Variants in GRIA2 observed in about 807,000 individuals in gnomAD.
GRIA2 encodes glutamate receptor 2.
In GRIA2, 14 loss-of-function variants were observed where a neutral mutation model predicts 97.3. That is an observed-to-expected ratio of 0.14 (90% CI 0.10 to 0.23). The LOEUF (loss-of-function observed/expected upper bound fraction) is 0.23. Among genes scored for constraint, GRIA2 ranks in the 10% least tolerant of loss-of-function variants. The probability of loss-of-function intolerance (pLI) is 1.00; values close to 1 mark genes in which losing one functional copy is unlikely to be tolerated. For synonymous variants in GRIA2, 412 were observed against 387.8 expected, an observed-to-expected ratio of 1.06 and a Z score of -0.73; for missense variants, 558 against 1,069.8, an observed-to-expected ratio of 0.52 and a Z score of 6.67.
At chr4:157,329,919 G>C (rs1264885815) in intron 6 of GRIA2, among the ~76,000 whole-genome samples, 7 of 152,032 alleles carry the variant, frequency 4.6e-5, no homozygotes, top group South Asian at 2.1e-4. Context: ...GAATCACAGA[G>C]ATCTGGATTC....
chr4:157,220,476 G>A (rs1004121342), upstream of GRIA2: 3 of 152,042 alleles, frequency 2.0e-5, no homozygotes, highest in African/African-American at 4.8e-5. Context: ...CAGCGGCTAC[G>A]GGCCCCGAGC....
chr4:157,239,005 G>A (rs1006195184), intron 2 of GRIA2, among the ~76,000 whole-genome samples: 4 of 151,732 alleles, frequency 2.6e-5, no homozygotes, highest in East Asian at 3.9e-4. Context: ...TTGTCATTGC[G>A]GTACTTTTTC....
chr4:157,225,521 A>G (rs1194564189), intron 2 of GRIA2, among the ~76,000 whole-genome samples: 3 of 152,014 alleles, frequency 2.0e-5, no homozygotes, highest in Non-Finnish European at 2.9e-5. Context: ...AACAGTTGAA[A>G]CCAGGGATGG....
At chr4:157,357,474 T>C (rs961742779) in intron 12 of GRIA2, among the ~76,000 whole-genome samples, 1 of 152,126 alleles carries the variant, frequency 6.6e-6, no homozygotes, top group African/African-American at 2.4e-5. Flanking sequence ...CTTACAGAAA[T>C]TCTGACTTAT....
chr4:157,226,828 T>C (rs1056967507), intron 2 of GRIA2, among the ~76,000 whole-genome samples: 31 of 152,262 alleles, frequency 2.0e-4, no homozygotes, highest in African/African-American at 7.5e-4. Flanking sequence ...TCTTAAGCAA[T>C]GATGACAAAC....
intron 2 of GRIA2, among the ~76,000 whole-genome samples, chr4:157,288,925 C>T (rs1732966787): frequency 6.6e-6 from 1 of 151,754 alleles, no homozygotes; most frequent in Non-Finnish European, 1.5e-5. Context: ...TGAGCGGAAA[C>T]AGAAGTAAAA....
At chr4:157,356,842 A>C (rs1373055854) in intron 12 of GRIA2, among the ~76,000 whole-genome samples, 2 of 152,268 alleles carry the variant, frequency 1.3e-5, no homozygotes, top group East Asian at 1.9e-4. Flanking sequence ...TGCATCAGGT[A>C]GACCACAAAT....
intron 5 of GRIA2, among the ~76,000 whole-genome samples, chr4:157,318,473 C>A (rs1250846849): frequency 6.6e-6 from 1 of 152,022 alleles, no homozygotes; most frequent in Non-Finnish European, 1.5e-5. Context: ...AAAATAAGGA[C>A]CACTTAATCA....
intron 9 of GRIA2, chr4:157,334,436 C>T (rs1047464438): frequency 4.8e-6 from 1 of 206,988 alleles, no homozygotes; most frequent in African/African-American, 2.3e-5. Flanking sequence ...TTTCCATTCC[C>T]ACCCGATACT....
At chr4:157,304,197 T>G (rs1462705655) in intron 3 of GRIA2, among the ~76,000 whole-genome samples, 1 of 152,208 alleles carries the variant, frequency 6.6e-6, no homozygotes, top group African/African-American at 2.4e-5. Flanking sequence ...AAAAGTTTTA[T>G]CAGGCAGGTA....
At chr4:157,357,996 T>A (rs1428634761) in intron 12 of GRIA2, among the ~76,000 whole-genome samples, 2 of 152,154 alleles carry the variant, frequency 1.3e-5, no homozygotes, top group Non-Finnish European at 2.9e-5. Context: ...AAAATTGACA[T>A]TTAATGGATG....
At chr4:157,281,337 C>T (rs1732585463) in intron 2 of GRIA2, among the ~76,000 whole-genome samples, 4 of 152,036 alleles carry the variant, frequency 2.6e-5, no homozygotes, top group Admixed American at 2.0e-4. Flanking sequence ...TTTTTGGGTA[C>T]TCGGATCTGT....
chr4:157,264,692 G>T (rs969249080), intron 2 of GRIA2, among the ~76,000 whole-genome samples: 1 of 152,108 alleles, frequency 6.6e-6, no homozygotes, highest in African/African-American at 2.4e-5. Flanking sequence ...AAGGAAATAA[G>T]AAGATGGAAA....
chr4:157,258,774 C>G (rs971915295), intron 2 of GRIA2, among the ~76,000 whole-genome samples: 3 of 152,002 alleles, frequency 2.0e-5, no homozygotes, highest in Non-Finnish European at 4.4e-5. Flanking sequence ...AAAATTTCTC[C>G]CTTTTCTACT....
At chr4:157,314,260 T>C (rs1167367266) in intron 4 of GRIA2, among the ~76,000 whole-genome samples, 1 of 152,192 alleles carries the variant, frequency 6.6e-6, no homozygotes, top group Non-Finnish European at 1.5e-5. Context: ...GGAAAAAATT[T>C]GATTCATTAA....
chr4:157,280,822 A>G (rs1299219766), intron 2 of GRIA2, among the ~76,000 whole-genome samples: 1 of 152,034 alleles, frequency 6.6e-6, no homozygotes, highest in Non-Finnish European at 1.5e-5. Context: ...AATTACATGC[A>G]GGCATAAATA....
chr4:157,321,540 G>C lies in GRIA2; in HGVS notation c.823G>C (p.Glu275Gln), dbSNP rs1268167873. The change falls in exon 6 of 16, where the codon GAA becomes CAA. Residue 275 changes from glutamate to glutamine, a missense_variant. Physicochemically the swap from Glu to Gln is conservative, Grantham distance 29. This residue lies in a region of GRIA2 where 173 missense variants were observed against 209.1 expected (regional missense o/e 0.83). Coordinates refer to ENST00000264426, the MANE Select transcript of GRIA2 (RefSeq NM_001083619.3). ...TGATTCGTTGGTATCTAAATTTATA[G>C]AAAGATGGTCAACACTGGAAGAAAA... Reference protein sequence around the residue: ...YDDSLVSKFIERWSTLEEKEY... With the variant: ...YDDSLVSKFIQRWSTLEEKEY... 1.2e-6 allele frequency: 2 copies of C among 1,609,092 alleles called. No individual in the cohort carries two copies. The highest frequency in any genetic ancestry group is 3.3e-5 in the Admixed American group (2 of 59,988).
chr4:157,260,204 C>T (rs1216132186), intron 2 of GRIA2, among the ~76,000 whole-genome samples: 1 of 152,090 alleles, frequency 6.6e-6, no homozygotes, highest in Non-Finnish European at 1.5e-5. Flanking sequence ...GACTTTACTT[C>T]CTGGCCTTGT....
At chr4:157,332,148 A>AG (rs1475259737) in intron 6 of GRIA2, among the ~76,000 whole-genome samples, 4 of 152,098 alleles carry the variant, frequency 2.6e-5, no homozygotes, top group African/African-American at 9.7e-5. Flanking sequence ...ACATGTACCT[A>AG]GGGCTTGGCC....
Sources: allele counts gnomAD v4.1 joint callset (sites outside exome capture counted in the v4.1 genomes callset), GRCh38; gene constraint gnomAD v4.1.1; regional missense constraint gnomAD v4.1.1; transcripts MANE v1.5; gene names NCBI Gene and HGNC (gene_info 2026-07-23, HGNC 2026-07-21).